OPCML: variants seen among roughly 807,000 people sequenced by gnomAD.
The protein encoded by OPCML is opioid-binding protein/cell adhesion molecule.
A neutral mutation model predicts 37.8 loss-of-function variants in OPCML; 13 were observed. The observed-to-expected ratio is 0.34, with a 90% CI of 0.22 to 0.55. The LOEUF is 0.55. OPCML is among the 20% of genes least tolerant of loss of function. The pLI is 0.91. For synonymous variants in OPCML, 176 were observed against 168.8 expected (o/e 1.04, Z -0.33); for missense variants, 341 against 435.6 (o/e 0.78, Z 1.93).
intron 1 of OPCML, among the ~76,000 whole-genome samples, chr11:133,225,785 T>C (rs1187003378): frequency 6.6e-6 from 1 of 152,218 alleles, no homozygotes; most frequent in African/African-American, 2.4e-5. Flanking sequence ...GCAAACTGGA[T>C]TTAGAACTCT....
intron 1 of OPCML, among the ~76,000 whole-genome samples, chr11:133,264,517 T>C (rs540863969): frequency 2.0e-5 from 3 of 152,300 alleles, no homozygotes; most frequent in Admixed American, 2.0e-4. Flanking sequence ...TGGAGGGCCC[T>C]TCTCTAGGTC....
At chr11:132,460,016 G>A (rs1459950933) in intron 4 of OPCML, among the ~76,000 whole-genome samples, 1 of 152,156 alleles carries the variant, frequency 6.6e-6, no homozygotes, top group Non-Finnish European at 1.5e-5. Context: ...ATACAGTGCT[G>A]TTGTGGGGGT....
intron 2 of OPCML, among the ~76,000 whole-genome samples, chr11:132,725,778 C>CAA (rs34622834): frequency 0.013 from 996 of 73,866 alleles, 6 homozygotes; most frequent in African/African-American, 0.038. Flanking sequence ...GACTCCATCT[C>CAA]AAAAAAAAAA....
intron 3 of OPCML, among the ~76,000 whole-genome samples, chr11:132,630,526 ATG>A (rs140438717): frequency 0.011 from 1,583 of 148,372 alleles, 15 homozygotes; most frequent in South Asian, 0.02. Flanking sequence ...AGGACACAAT[ATG>A]TGTGTGTGTG....
At chr11:133,401,616 G>A (rs1945408195) in intron 1 of OPCML, among the ~76,000 whole-genome samples, 1 of 151,992 alleles carries the variant, frequency 6.6e-6, no homozygotes, top group African/African-American at 2.4e-5. Flanking sequence ...AGTTGCAAAT[G>A]GGATATTGAT....
intron 1 of OPCML, among the ~76,000 whole-genome samples, chr11:133,247,173 GA>G (rs1431563376): frequency 2.0e-5 from 3 of 152,148 alleles, no homozygotes; most frequent in Non-Finnish European, 4.4e-5. Context: ...CGAAGAATGA[GA>G]AAAGAGAAGC....
chr11:133,018,517 G>A (rs1478924632), intron 1 of OPCML, among the ~76,000 whole-genome samples: 1 of 152,030 alleles, frequency 6.6e-6, no homozygotes, highest in South Asian at 2.1e-4. Flanking sequence ...CAATTCAGAC[G>A]TGCCCTTTTG....
chr11:132,489,773 T>C (rs1247521280), intron 4 of OPCML, among the ~76,000 whole-genome samples: 1 of 152,150 alleles, frequency 6.6e-6, no homozygotes, highest in African/African-American at 2.4e-5. Context: ...GCTGCATCCA[T>C]CCACCAATCA....
intron 4 of OPCML, among the ~76,000 whole-genome samples, chr11:132,497,484 T>C (rs1013239444): frequency 6.7e-6 from 1 of 148,550 alleles, no homozygotes; most frequent in Admixed American, 6.7e-5. Context: ...AATGCCAGGG[T>C]GATGTGGAAA....
intron 2 of OPCML, among the ~76,000 whole-genome samples, chr11:132,761,780 T>G (rs1946275845): frequency 6.6e-6 from 1 of 152,156 alleles, no homozygotes; most frequent in Non-Finnish European, 1.5e-5. Flanking sequence ...AAGAGTTTGT[T>G]ATTACCCACC....
At chr11:132,694,292 G>C (rs904507057) in intron 2 of OPCML, among the ~76,000 whole-genome samples, 2 of 147,554 alleles carry the variant, frequency 1.4e-5, no homozygotes, top group African/African-American at 5.1e-5. Flanking sequence ...TCCGCCTCCG[G>C]GGTTCAAGCG....
At chr11:132,527,221 G>C (rs544039466) in intron 4 of OPCML, among the ~76,000 whole-genome samples, 2 of 152,268 alleles carry the variant, frequency 1.3e-5, no homozygotes, top group South Asian at 4.1e-4. Flanking sequence ...GTGAGCATAT[G>C]CTTTCATTTA....
intron 1 of OPCML, chr11:133,422,389 A>G (rs1469898127): frequency 2.2e-6 from 2 of 927,886 alleles, no homozygotes; most frequent in Middle Eastern, 5.4e-4. Flanking sequence ...ATATATATAT[A>G]TATATGTATA....
chr11:132,459,002 G>A (rs1376536649), intron 4 of OPCML, among the ~76,000 whole-genome samples: 1 of 152,178 alleles, frequency 6.6e-6, no homozygotes, highest in Non-Finnish European at 1.5e-5. Context: ...TTCAGAATCT[G>A]AGACCATGTC....
chr11:132,982,560 T>C (rs1358562131), intron 1 of OPCML, among the ~76,000 whole-genome samples: 2 of 151,426 alleles, frequency 1.3e-5, no homozygotes, highest in Admixed American at 6.6e-5. Context: ...AAGAGACAGC[T>C]GGGTTTGACA....
intron 2 of OPCML, among the ~76,000 whole-genome samples, chr11:132,780,427 C>A (rs1248077094): frequency 2.0e-5 from 3 of 152,132 alleles, no homozygotes; most frequent in African/African-American, 7.2e-5. Context: ...TTTTTCTATT[C>A]CTCAGATTTT....
chr11:132,752,154 TG>T (rs949547880), intron 2 of OPCML, among the ~76,000 whole-genome samples: 5 of 152,170 alleles, frequency 3.3e-5, no homozygotes, highest in South Asian at 4.1e-4. Context: ...GACATGTGCA[TG>T]GGGAGGAGTG....
At chr11:133,439,669 GTTTTAGCCAGGA>G (rs1473350666) in intron 1 of OPCML, among the ~76,000 whole-genome samples, 2 of 151,616 alleles carry the variant, frequency 1.3e-5, no homozygotes, top group Non-Finnish European at 2.9e-5. Context: ...GGGTTTCACC[GTTTTAGCCAGGA>G]TGGTCTCGAT....
At chr11:132,538,161 A>G (rs916945998) in intron 3 of OPCML, among the ~76,000 whole-genome samples, 1 of 152,218 alleles carries the variant, frequency 6.6e-6, no homozygotes, top group Admixed American at 6.5e-5. Context: ...AACAAGTCAA[A>G]TATCTATCAA....
Sources: allele counts gnomAD v4.1 joint callset (sites outside exome capture counted in the v4.1 genomes callset), GRCh38; gene constraint gnomAD v4.1.1; transcripts MANE v1.5; gene names NCBI Gene and HGNC (gene_info 2026-07-23, HGNC 2026-07-21).